The following PTH2R variants were observed in gnomAD, a reference collection of about 807,000 sequenced individuals.
PTH2R encodes PTH2 receptor.
PTH2R carries 59 observed loss-of-function variants against 60.3 expected under a neutral mutation model. The ratio of observed to expected loss-of-function variants is 0.98; its 90% CI spans 0.79 to 1.22. PTH2R has a LOEUF of 1.22. Ranked by LOEUF, PTH2R falls within the 50% of genes most tolerant of loss-of-function variation. The pLI is 0.00. For missense variants in PTH2R, 749 were observed against 682.6 expected (o/e 1.10, Z -1.08); for synonymous variants, 256 against 243.8 (o/e 1.05, Z -0.47).
At chr2:208,360,148 G>A (rs1214305655) in exon 1 of PTH2R, 2 of 441,696 alleles carry the variant, frequency 4.5e-6, no homozygotes, top group Admixed American at 5.0e-5. Flanking sequence ...GAAGCAGTTT[G>A]TCACCAGCAT....
intron 1 of PTH2R, among the ~76,000 whole-genome samples, chr2:208,416,372 T>C (rs1381318180): frequency 6.6e-6 from 1 of 152,250 alleles, no homozygotes; most frequent in Non-Finnish European, 1.5e-5. Context: ...TCATGTGTTA[T>C]TGAACCAATA....
At chr2:208,449,916 C>G (rs888430979) in intron 7 of PTH2R, among the ~76,000 whole-genome samples, 1 of 152,038 alleles carries the variant, frequency 6.6e-6, no homozygotes, top group African/African-American at 2.4e-5. Flanking sequence ...TCTGTATATC[C>G]TTTATTTAAA....
chr2:208,408,103 G>A (rs1701455746), intron 1 of PTH2R, among the ~76,000 whole-genome samples: 1 of 152,114 alleles, frequency 6.6e-6, no homozygotes, highest in African/African-American at 2.4e-5. Flanking sequence ...AACTTAAAGG[G>A]GATTTCTAGG....
At chr2:208,475,719 G>C (rs997229134) in intron 9 of PTH2R, among the ~76,000 whole-genome samples, 1 of 152,146 alleles carries the variant, frequency 6.6e-6, no homozygotes, top group Non-Finnish European at 1.5e-5. Context: ...AGGAATATAT[G>C]GGGCAGTGGA....
At chr2:208,480,486 C>A (rs1482504653) in intron 9 of PTH2R, among the ~76,000 whole-genome samples, 2 of 152,162 alleles carry the variant, frequency 1.3e-5, no homozygotes, top group African/African-American at 2.4e-5. Flanking sequence ...CCCTCCCTCC[C>A]CTTTTAAAAG....
chr2:208,417,614 A>T (rs1423982873), intron 1 of PTH2R, among the ~76,000 whole-genome samples: 2 of 135,064 alleles, frequency 1.5e-5, no homozygotes, highest in Non-Finnish European at 3.1e-5. Flanking sequence ...GTGCAATGGC[A>T]CAATATCAGC....
intron 7 of PTH2R, among the ~76,000 whole-genome samples, chr2:208,449,757 G>C (rs1196507494): frequency 6.6e-6 from 1 of 151,836 alleles, no homozygotes; most frequent in Non-Finnish European, 1.5e-5. Context: ...TCACTTTGTT[G>C]CTAAGAAAGA....
chr2:208,431,693 G>C (rs942299084), intron 2 of PTH2R, among the ~76,000 whole-genome samples: 1 of 152,176 alleles, frequency 6.6e-6, no homozygotes, highest in Non-Finnish European at 1.5e-5. Context: ...CCCACTTAGT[G>C]GGAGAAGTAT....
chr2:208,371,019 A>C (rs1220057079), intron 1 of PTH2R, among the ~76,000 whole-genome samples: 1 of 152,014 alleles, frequency 6.6e-6, no homozygotes, highest in Non-Finnish European at 1.5e-5. Flanking sequence ...TTAAACAACC[A>C]GCTCTCATGT....
intron 8 of PTH2R, 134 bp from the exon 9 acceptor site, chr2:208,459,756 TTAAGA>T (rs1299541443): frequency 2.8e-6 from 2 of 712,660 alleles, no homozygotes; most frequent in Non-Finnish European, 4.8e-6. Context: ...CTTGGGTGTT[TTAAGA>T]TAAGATTTCT....
chr2:208,474,143 A>T (rs2105899320), intron 9 of PTH2R, among the ~76,000 whole-genome samples: 1 of 152,236 alleles, frequency 6.6e-6, no homozygotes, highest in East Asian at 1.9e-4. Context: ...CCCTTTTAAA[A>T]TGAAGTTTTC....
At chr2:208,376,916 G>A (rs1055798920) in intron 1 of PTH2R, among the ~76,000 whole-genome samples, 13 of 150,866 alleles carry the variant, frequency 8.6e-5, no homozygotes, top group South Asian at 8.4e-4. Flanking sequence ...GGTGTTTCTC[G>A]CAGAGGGGGA....
intron 10 of PTH2R, among the ~76,000 whole-genome samples, chr2:208,487,065 G>A (rs1574916759): frequency 6.6e-6 from 1 of 152,124 alleles, no homozygotes; most frequent in Non-Finnish European, 1.5e-5. Context: ...TTCTACATTA[G>A]GCATTTCAAT....
Position 208,481,181 on chromosome 2 carries a change from C to T in PTH2R, c.1076+17C>T. ...GCAATACAGGTAATTTCAGGAGAGG[C>T]ATCCATCAGAGGAAATATTTTGGTT... is the stretch of plus-strand genomic sequence containing the variant. On this transcript the variant is annotated intron_variant, in intron 10 of 12. Transcript: ENST00000272847. The T allele has an allele frequency of 6.7e-7, 1 of 1,501,836 alleles. No individual in the cohort carries two copies. The highest frequency in any genetic ancestry group is 9.2e-7 in the Non-Finnish European group (1 of 1,090,136). The allele number at this position is 1,501,836 out of a possible 1,614,324, so 93.0% of individuals were successfully genotyped here. A position where few individuals can be genotyped will look rare whatever the true frequency, so the allele number is the denominator to read the frequency against.
At chr2:208,428,425 G>A (rs1483795899) in intron 2 of PTH2R, 122 bp downstream of exon 2, 2 of 681,206 alleles carry the variant, frequency 2.9e-6, no homozygotes, top group Non-Finnish European at 5.1e-6. Flanking sequence ...TTTCCATGTG[G>A]AGGGGTGTGC....
chr2:208,383,710 T>C, intron 1 of PTH2R, among the ~76,000 whole-genome samples: 1 of 152,210 alleles, frequency 6.6e-6, no homozygotes, highest in East Asian at 1.9e-4. Flanking sequence ...TACCAGCCAA[T>C]AGTTGAACTT....
At chr2:208,414,169 T>A (rs1701594698) in intron 1 of PTH2R, among the ~76,000 whole-genome samples, 2 of 152,200 alleles carry the variant, frequency 1.3e-5, no homozygotes, top group Admixed American at 6.5e-5. Context: ...TACTGTCTGC[T>A]CTTTCTGGTT....
At chr2:208,408,513 A>C (rs1574846472) in intron 1 of PTH2R, among the ~76,000 whole-genome samples, 1 of 151,512 alleles carries the variant, frequency 6.6e-6, no homozygotes, top group Non-Finnish European at 1.5e-5. Flanking sequence ...GGAAATGGGG[A>C]GGTATTATTT....
At chr2:208,374,590 C>T (rs1022634714) in intron 1 of PTH2R, among the ~76,000 whole-genome samples, 9 of 152,196 alleles carry the variant, frequency 5.9e-5, no homozygotes, top group African/African-American at 1.4e-4. Context: ...GCAACCTCCA[C>T]CTCCCAGGTT....
Sources: gnomAD v4.1 joint callset for allele counts (sites outside exome capture counted in the v4.1 genomes callset) on GRCh38, gnomAD v4.1.1 for gene constraint, MANE v1.5 for transcripts, NCBI Gene and HGNC (gene_info 2026-07-23, HGNC 2026-07-21) for gene names.